USP42: variants seen among roughly 807,000 people sequenced by gnomAD.
USP42 encodes the protein ubiquitin carboxyl-terminal hydrolase 42.
USP42 carries 23 observed loss-of-function variants against 113.0 expected under a neutral mutation model. That is an observed-to-expected ratio of 0.20 (90% CI 0.15 to 0.29). The LOEUF (loss-of-function observed/expected upper bound fraction) is 0.29, where lower values mean the gene tolerates loss of function less well. USP42 is among the 10% of genes least tolerant of loss of function. USP42 has a pLI of 1.00. For synonymous variants in USP42, 933 were observed against 699.0 expected (o/e 1.33, Z -5.28); for missense variants, 2,174 against 1,779.8 (o/e 1.22, Z -3.99).
At chr7:6,141,485 C>T (rs890928542) in intron 7 of USP42, among the ~76,000 whole-genome samples, 9 of 152,006 alleles carry the variant, frequency 5.9e-5, no homozygotes, top group East Asian at 3.9e-4. Context: ...CGTGAGCCAC[C>T]GCGCCCGGCC....
chr7:6,150,868 A>G (rs572221349), intron 14 of USP42, among the ~76,000 whole-genome samples: 1 of 152,294 alleles, frequency 6.6e-6, no homozygotes, highest in South Asian at 2.1e-4. Context: ...CAGGGCTCTC[A>G]GTCCTGTGAA....
chr7:6,147,568 T>C (rs1338317915), intron 11 of USP42, among the ~76,000 whole-genome samples, 171 bp from the exon 12 acceptor site: 2 of 152,258 alleles, frequency 1.3e-5, no homozygotes, highest in Non-Finnish European at 2.9e-5. Flanking sequence ...TCTGAGTGCC[T>C]GACATTAGCC....
At chr7:6,145,022 C>T (rs562044029) in intron 9 of USP42, among the ~76,000 whole-genome samples, 8 of 152,242 alleles carry the variant, frequency 5.3e-5, no homozygotes, top group South Asian at 2.1e-4. Flanking sequence ...GCTATCCTCC[C>T]GGTTAACCAT....
chr7:6,108,426 A>C (rs1323678464), intron 1 of USP42, among the ~76,000 whole-genome samples: 4 of 152,080 alleles, frequency 2.6e-5, no homozygotes, highest in Non-Finnish European at 5.9e-5. Flanking sequence ...TGGAAAGTAC[A>C]TGGGTATTTT....
chr7:6,143,233 T>C (rs1165859027), intron 8 of USP42, among the ~76,000 whole-genome samples: 1 of 152,180 alleles, frequency 6.6e-6, no homozygotes, highest in Non-Finnish European at 1.5e-5. Context: ...GCCTGGGGCA[T>C]GACATTATTG....
chr7:6,114,656 G>A (rs10256474), intron 2 of USP42, among the ~76,000 whole-genome samples: 5,942 of 60,738 alleles, frequency 0.098, 846 homozygotes, highest in East Asian at 0.34. Flanking sequence ...ATGTGTGTGT[G>A]TATATATATA....
intron 3 of USP42, among the ~76,000 whole-genome samples, chr7:6,132,904 C>T (rs1410631908): frequency 6.6e-6 from 1 of 152,206 alleles, no homozygotes; most frequent in African/African-American, 2.4e-5. Context: ...GATCTTCTAC[C>T]TTGTGATCTG....
chr7:6,097,185 C>CG, the USP42 span, among the ~76,000 whole-genome samples: 5 of 151,144 alleles, frequency 3.3e-5, no homozygotes, highest in Admixed American at 3.3e-4. Context: ...ACAGCCACCT[C>CG]GGGGTACCAC....
intron 3 of USP42, among the ~76,000 whole-genome samples, chr7:6,127,286 A>G (rs1164219321): frequency 6.6e-6 from 1 of 151,980 alleles, no homozygotes; most frequent in Non-Finnish European, 1.5e-5. Flanking sequence ...AGAGGTTTTT[A>G]ATTTTGGTGA....
At chr7:6,140,661 T>C (rs1336566164) in intron 6 of USP42, among the ~76,000 whole-genome samples, 2 of 152,228 alleles carry the variant, frequency 1.3e-5, no homozygotes, top group Non-Finnish European at 2.9e-5. Context: ...ATTGTAAATT[T>C]TAATTCTGTC....
intron 3 of USP42, among the ~76,000 whole-genome samples, chr7:6,130,054 T>C (rs1456897888): frequency 6.6e-6 from 1 of 152,076 alleles, no homozygotes; most frequent in African/African-American, 2.4e-5. Context: ...GGTGTAATCA[T>C]GGCTCACTGC....
rs1334386200 is a variant in USP42, at chr7:6,153,860, T to TCAG, written c.2312_2314dup (p.Ser771dup). The stretch of plus-strand genomic sequence containing the variant: ...GAGGAGCCAGATGCGGCCGCCGGCC[T>TCAG]CAGCAGCACCAAGAAGGCTCCGCCG... On this transcript the variant is annotated inframe_insertion, in exon 15 of 18. Coordinates refer to ENST00000306177, the MANE Select transcript of USP42 (RefSeq NM_032172.3). The TCAG allele has an allele frequency of 7.7e-6, 12 of 1,553,738 alleles. No individual in the cohort carries two copies. In the African/African-American group the frequency reaches 1.7e-4, roughly 21 times the overall value.
rs1325966644 is a variant in USP42 at position 6,159,792 on chromosome 7, A to C, written c.*36+299A>C. On this transcript the variant is annotated intron_variant, in intron 17 of 17. Coordinates refer to ENST00000306177, the MANE Select transcript of USP42 (RefSeq NM_032172.3). The surrounding 1 kb of genome is among the most constrained non-coding windows in gnomAD (Gnocchi z 4.1). ...CTTGGGAAAAGCCAACCCGGCTCAC[A>C]GCGGCAGAGCCCACGGGCCTTTGAT... Among the ~76,000 whole-genome samples the C allele has an allele frequency of 6.6e-6, 1 of 152,232 alleles. No individual in the cohort carries two copies. The highest frequency in any genetic ancestry group is 1.5e-5 in the Non-Finnish European group (1 of 68,036).
the USP42 span, among the ~76,000 whole-genome samples, chr7:6,090,320 ATATATATATATTTCTT>A: frequency 1.4e-5 from 2 of 142,554 alleles, 1 homozygote; most frequent in African/African-American, 5.3e-5. Context: ...AAAAAGAAAT[ATATATATATATTTCTT>A]TATATATATA....
the USP42 span, chr7:6,081,323 C>A: frequency 7.2e-6 from 1 of 139,014 alleles, no homozygotes. Context: ...CGACCTAGAT[C>A]CCCACCGGTC....
upstream of USP42, chr7:6,104,856 G>A (rs1583560214): frequency 1.4e-5 from 2 of 147,264 alleles, no homozygotes; most frequent in Admixed American, 6.8e-5. Flanking sequence ...GTTCGGGCGC[G>A]GCCCTGGCGC....
the USP42 span, among the ~76,000 whole-genome samples, chr7:6,086,977 T>C: frequency 2.0e-5 from 3 of 149,640 alleles, no homozygotes; most frequent in African/African-American, 7.6e-5. Context: ...ATTTGCCTGC[T>C]TCAGCCTCCC....
chr7:6,086,019 G>T, the USP42 span, among the ~76,000 whole-genome samples: 2 of 150,418 alleles, frequency 1.3e-5, no homozygotes, highest in African/African-American at 5.0e-5. Flanking sequence ...AAACCACCCT[G>T]GTGATAACCA....
At chr7:6,148,625 G>A (rs1018428421) in intron 12 of USP42, among the ~76,000 whole-genome samples, 5 of 152,148 alleles carry the variant, frequency 3.3e-5, no homozygotes, top group South Asian at 2.1e-4. Context: ...TGGTCCTGTC[G>A]GGGCGAACAG....
Sources: allele counts gnomAD v4.1 joint callset (sites outside exome capture counted in the v4.1 genomes callset), GRCh38; gene constraint gnomAD v4.1.1; non-coding constraint Gnocchi (gnomAD v3.1); transcripts MANE v1.5; gene names NCBI Gene and HGNC (gene_info 2026-07-23, HGNC 2026-07-21).